RETREG1: variants seen among roughly 807,000 people sequenced by gnomAD.
The protein encoded by RETREG1 is family with sequence similarity 134 member B.
Under a neutral mutation model 54.8 loss-of-function variants are expected in RETREG1, and 44 were observed. The observed-to-expected ratio is 0.80, with a 90% CI of 0.63 to 1.03. The LOEUF is 1.03. Among genes scored for constraint, RETREG1 ranks in the 50% least tolerant of loss-of-function variants. The pLI, the probability that RETREG1 is intolerant of heterozygous loss-of-function variation, is 0.00. For missense variants in RETREG1, 554 were observed against 605.1 expected (o/e 0.92, Z 0.89); for synonymous variants, 217 against 238.5 (o/e 0.91, Z 0.83).
chr5:16,607,362 G>A (rs563194338), intron 1 of RETREG1, among the ~76,000 whole-genome samples: 23 of 152,194 alleles, frequency 1.5e-4, no homozygotes, highest in Middle Eastern at 3.4e-3. Context: ...TTGGCCAGGC[G>A]TGGTGGCTCG....
At chr5:16,553,148 A>G (rs1300910702) in intron 3 of RETREG1, among the ~76,000 whole-genome samples, 1 of 152,126 alleles carries the variant, frequency 6.6e-6, no homozygotes, top group African/African-American at 2.4e-5. Context: ...GTACTGCCAT[A>G]TCGTAAACTC....
At chr5:16,531,123 GCTTA>G (rs892989630) in intron 3 of RETREG1, among the ~76,000 whole-genome samples, 1 of 152,190 alleles carries the variant, frequency 6.6e-6, no homozygotes, top group Non-Finnish European at 1.5e-5. Context: ...GCTAAGGTGT[GCTTA>G]CTATTTACCC....
At chr5:16,508,389 C>T (rs1740045787) in intron 3 of RETREG1, among the ~76,000 whole-genome samples, 1 of 152,144 alleles carries the variant, frequency 6.6e-6, no homozygotes, top group African/African-American at 2.4e-5. Flanking sequence ...TTTAAGAGGA[C>T]ATTAAGTTAT....
At position 16,499,693 on chromosome 5, in the gene RETREG1, C is replaced by G. The variant is rs115797958; in HGVS notation, c.459-16221G>C. Reference sequence around the variant, plus strand: ...ATTACCATGCGACACTCATTCACCACCACCACCATCATGTGTGGGTGTCTG... The same window carrying G: ...ATTACCATGCGACACTCATTCACCAGCACCACCATCATGTGTGGGTGTCTG... On this transcript the variant is annotated intron_variant, in intron 3 of 8. Coordinates refer to ENST00000306320, the MANE Select transcript of RETREG1 (RefSeq NM_001034850.3). Among the ~76,000 whole-genome samples, 279 of 152,382 alleles carry G rather than the reference C, an allele frequency of 1.8e-3. 1 individual carries two copies. Among genetic ancestry groups the G allele is most frequent in the African/African-American group, 6.5e-3 (272 of 41,592 alleles).
Position 16,597,991 on chromosome 5 carries a change from C to A in RETREG1, c.320+18661G>T, listed in dbSNP as rs1176401878. Among the ~76,000 whole-genome samples the A allele has an allele frequency of 2.6e-5, 4 of 152,122 alleles. No homozygotes were observed. The highest frequency in any genetic ancestry group is 9.6e-5 in the African/African-American group (4 of 41,508). ...TTCTGACTGCACTCAGGATGAAACCCAAACCCCTCCACTCCAGTTCCAGGC... is the reference window on the plus strand; with the variant it reads ...TTCTGACTGCACTCAGGATGAAACCAAAACCCCTCCACTCCAGTTCCAGGC... On this transcript the variant is annotated intron_variant, in intron 1 of 8. Coordinates refer to ENST00000306320, the MANE Select transcript of RETREG1 (RefSeq NM_001034850.3). This position sits in a 1 kb window ranked among gnomAD's most constrained non-coding sequence, Gnocchi z 4.3.
At chr5:16,493,217 C>G (rs1288437559) in intron 3 of RETREG1, among the ~76,000 whole-genome samples, 5 of 152,168 alleles carry the variant, frequency 3.3e-5, no homozygotes. Flanking sequence ...TCCAATCCAC[C>G]TAGATCATTT....
At chr5:16,603,597 G>T (rs1743104195) in intron 1 of RETREG1, among the ~76,000 whole-genome samples, 1 of 152,142 alleles carries the variant, frequency 6.6e-6, no homozygotes, top group Non-Finnish European at 1.5e-5. Context: ...GGTGAGAAGA[G>T]GCACTGGCGG....
intron 1 of RETREG1, among the ~76,000 whole-genome samples, chr5:16,592,943 A>G (rs1742816063): frequency 6.6e-6 from 1 of 152,212 alleles, no homozygotes; most frequent in Non-Finnish European, 1.5e-5. Context: ...ACTATTGGGT[A>G]CTAGGCTCAG....
chr5:16,569,585 A>G (rs1742116997), intron 2 of RETREG1, among the ~76,000 whole-genome samples: 1 of 151,918 alleles, frequency 6.6e-6, no homozygotes, highest in African/African-American at 2.4e-5. Context: ...CTTCTATTTG[A>G]CGCTTTTATT....
intron 3 of RETREG1, among the ~76,000 whole-genome samples, chr5:16,554,150 C>A (rs1408278198): frequency 6.6e-6 from 1 of 152,210 alleles, no homozygotes; most frequent in African/African-American, 2.4e-5. Flanking sequence ...TCTCACCTGA[C>A]CTTGGAAATA....
At chr5:16,523,165 C>T (rs758447098) in intron 3 of RETREG1, among the ~76,000 whole-genome samples, 2 of 152,146 alleles carry the variant, frequency 1.3e-5, no homozygotes, top group African/African-American at 2.4e-5. Context: ...ATTACCATGG[C>T]GCATTTGTAG....
At chr5:16,477,377 C>T (rs1025927893) in intron 8 of RETREG1, among the ~76,000 whole-genome samples, 5 of 152,124 alleles carry the variant, frequency 3.3e-5, no homozygotes, top group Non-Finnish European at 7.4e-5. Flanking sequence ...TCCATCAGTC[C>T]ATAGCAGCCA....
intron 1 of RETREG1, among the ~76,000 whole-genome samples, chr5:16,575,078 C>T (rs764023841): frequency 1.3e-5 from 2 of 152,130 alleles, no homozygotes; most frequent in Non-Finnish European, 2.9e-5. Context: ...CCAGTTTTCC[C>T]GACCTCACGT....
intron 3 of RETREG1, among the ~76,000 whole-genome samples, chr5:16,495,094 G>A (rs1739401786): frequency 6.6e-6 from 1 of 152,174 alleles, no homozygotes; most frequent in African/African-American, 2.4e-5. Flanking sequence ...CTTAAAGAGT[G>A]ATGATTTAGG....
At chr5:16,515,505 A>G (rs1039105495) in intron 3 of RETREG1, among the ~76,000 whole-genome samples, 3 of 152,146 alleles carry the variant, frequency 2.0e-5, no homozygotes, top group Admixed American at 1.3e-4. Context: ...ACATAAAAAC[A>G]CTAACACAAC....
chr5:16,607,405 G>A (rs1313496528), intron 1 of RETREG1, among the ~76,000 whole-genome samples: 2 of 152,056 alleles, frequency 1.3e-5, no homozygotes, highest in African/African-American at 4.8e-5. Flanking sequence ...CCTGAGGCCA[G>A]GAGTTCAAGA....
At chr5:16,477,080 G>A (rs763035546) in intron 8 of RETREG1, among the ~76,000 whole-genome samples, 10 of 151,852 alleles carry the variant, frequency 6.6e-5, no homozygotes, top group East Asian at 1.9e-4. Context: ...CCACATTATC[G>A]CTTGGGACAT....
intron 3 of RETREG1, among the ~76,000 whole-genome samples, chr5:16,510,255 A>C (rs1256447992): frequency 6.6e-6 from 1 of 152,176 alleles, no homozygotes; most frequent in Non-Finnish European, 1.5e-5. Flanking sequence ...ATTTTACGCA[A>C]GACCTAACAT....
intron 3 of RETREG1, among the ~76,000 whole-genome samples, chr5:16,504,269 G>A (rs1476261266): frequency 1.3e-5 from 2 of 152,202 alleles, no homozygotes; most frequent in African/African-American, 4.8e-5. Flanking sequence ...ATTCCATGGT[G>A]TATATGTACC....
Sources: gnomAD v4.1 joint callset for allele counts (sites outside exome capture counted in the v4.1 genomes callset) on GRCh38, gnomAD v4.1.1 for gene constraint, Gnocchi (gnomAD v3.1) non-coding constraint, MANE v1.5 for transcripts, NCBI Gene and HGNC (gene_info 2026-07-23, HGNC 2026-07-21) for gene names.